KIF2A: variants seen among roughly 807,000 people sequenced by gnomAD.
KIF2A encodes the protein kinesin family member 2A.
In KIF2A, 22 loss-of-function variants were observed where a neutral mutation model predicts 100.2. The observed-to-expected ratio is 0.22, with a 90% CI of 0.16 to 0.31. The LOEUF is 0.31. KIF2A is among the 10% of genes least tolerant of loss of function. The pLI, the probability that KIF2A is intolerant of heterozygous loss-of-function variation, is 1.00. For synonymous variants in KIF2A, 268 were observed against 285.9 expected (o/e 0.94, Z 0.63); for missense variants, 495 against 898.7 (o/e 0.55, Z 5.74).
intron 20 of KIF2A, among the ~76,000 whole-genome samples, chr5:62,383,433 C>T (rs1306466836): frequency 4.0e-5 from 6 of 150,698 alleles, no homozygotes; most frequent in Middle Eastern, 3.5e-3. Flanking sequence ...TTAGTAGAGA[C>T]GGGGTTTCAT....
chr5:62,315,653 G>A (rs557492372), intron 1 of KIF2A, among the ~76,000 whole-genome samples: 4 of 152,136 alleles, frequency 2.6e-5, no homozygotes, highest in Non-Finnish European at 5.9e-5. Flanking sequence ...TAAGGGAGGA[G>A]GGGTAATCTG....
intron 5 of KIF2A, 78 bp downstream of exon 5, chr5:62,352,788 A>G: frequency 8.4e-7 from 1 of 1,186,432 alleles, no homozygotes; most frequent in Non-Finnish European, 1.2e-6. Context: ...TTAAGTCCTC[A>G]AAGAGTAAAC....
Position 62,372,549 on chromosome 5 carries a change from C to T in KIF2A, c.1758C>T (p.Thr586=). The T allele has an allele frequency of 6.6e-7, 1 of 1,523,780 alleles. No individual in the cohort carries two copies. Among genetic ancestry groups the T allele is most frequent in the Non-Finnish European group, 9.1e-7 (1 of 1,098,608 alleles). 94.4% of individuals were successfully genotyped at this position (1,523,780 alleles called of 1,614,324 possible). Residue 586 remains threonine (T), a splice_region_variant and synonymous_variant, in exon 17 of 21, where the codon ACC becomes ACT. Coordinates refer to ENST00000407818, the MANE Select transcript of KIF2A (RefSeq NM_001098511.3). ...YEYDDFSPSV[T]RVKELTVDPT... The stretch of plus-strand genomic sequence containing the variant: ...ATGACGACTTTTCTCCTTCAGTTAC[C>T]AGGTCTACTTCATTCTATACATAAG...
chr5:62,316,638 C>T (rs890823797), intron 1 of KIF2A, among the ~76,000 whole-genome samples: 1 of 152,144 alleles, frequency 6.6e-6, no homozygotes, highest in African/African-American at 2.4e-5. Flanking sequence ...AGAGTCAACC[C>T]TAATGTAAAC....
intron 1 of KIF2A, among the ~76,000 whole-genome samples, chr5:62,322,374 ATT>A (rs770836900): frequency 1.3e-5 from 2 of 152,030 alleles, no homozygotes; most frequent in Non-Finnish European, 2.9e-5. Flanking sequence ...AAAATTTTTA[ATT>A]TTGATTAAGT....
chr5:62,322,912 A>G, intron 1 of KIF2A, among the ~76,000 whole-genome samples: 1 of 128,056 alleles, frequency 7.8e-6, no homozygotes, highest in African/African-American at 2.9e-5. Context: ...AAAATAGATT[A>G]GTGGAATGTG....
At chr5:62,345,636 GAAAAT>G (rs1453313818) in intron 1 of KIF2A, among the ~76,000 whole-genome samples, 1 of 152,002 alleles carries the variant, frequency 6.6e-6, no homozygotes, top group Non-Finnish European at 1.5e-5. Context: ...TGTCTCTGTT[GAAAAT>G]AAAATAAAAG....
intron 1 of KIF2A, among the ~76,000 whole-genome samples, chr5:62,329,088 G>A (rs1161519382): frequency 6.6e-6 from 1 of 151,966 alleles, no homozygotes; most frequent in Non-Finnish European, 1.5e-5. Flanking sequence ...TTGTATTTTC[G>A]TAATGAAAAT....
chr5:62,357,582 A>C, intron 7 of KIF2A, 109 bp from the exon 8 acceptor site: 1 of 514,268 alleles, frequency 1.9e-6, no homozygotes, highest in Non-Finnish European at 3.4e-6. Flanking sequence ...CCTATCATTT[A>C]TGCTATGTAT....
At chr5:62,306,844 T>G in intron 1 of KIF2A, 1 of 348,022 alleles carries the variant, frequency 2.9e-6, no homozygotes, top group South Asian at 3.9e-5. Context: ...TCCCGCAATC[T>G]CCAGCCCCCC....
chr5:62,361,996 C>T (rs1748437341), intron 11 of KIF2A, among the ~76,000 whole-genome samples: 1 of 150,326 alleles, frequency 6.7e-6, no homozygotes, highest in South Asian at 2.1e-4. Flanking sequence ...CATGCCACTA[C>T]ACTTCAGCCT....
At chr5:62,315,968 A>G (rs879610264) in intron 1 of KIF2A, among the ~76,000 whole-genome samples, 4 of 152,196 alleles carry the variant, frequency 2.6e-5, no homozygotes, top group Non-Finnish European at 5.9e-5. Flanking sequence ...TTGAAAGGAA[A>G]GGACTTAACA....
intron 19 of KIF2A, among the ~76,000 whole-genome samples, chr5:62,380,433 GA>G (rs1436957549): frequency 6.6e-6 from 1 of 152,146 alleles, no homozygotes; most frequent in East Asian, 1.9e-4. Context: ...ATAGAGAAAT[GA>G]AATGATGTTG....
intron 1 of KIF2A, among the ~76,000 whole-genome samples, chr5:62,311,383 T>G (rs977046138): frequency 6.6e-6 from 1 of 152,204 alleles, no homozygotes; most frequent in East Asian, 1.9e-4. Context: ...GCTATGTTAC[T>G]ACAAGTTCAC....
rs1039326515 is a variant in KIF2A at position 62,352,628 on chromosome 5, A to G, written c.375A>G (p.Glu125=). 6.2e-7 allele frequency: 1 copy of G among 1,602,644 alleles called. No individual in the cohort carries two copies. The highest frequency in any genetic ancestry group is 8.5e-7 in the Non-Finnish European group (1 of 1,173,884). Residue 125 remains glutamate (E), a synonymous_variant, in exon 5 of 21, where the codon GAA becomes GAG. Coordinates refer to ENST00000407818, the MANE Select transcript of KIF2A (RefSeq NM_001098511.3). The stretch of plus-strand genomic sequence containing the variant: ...GTGCACGGCCCAGTCAATTTCCTGA[A>G]CAGTCTTCCTCTGCACAACAGAATG... ...SARARPSQFP[E]QSSSAQQNGS... is the part of the protein sequence containing the mutation.
chr5:62,334,357 G>A lies in KIF2A; in HGVS notation c.65-12773G>A, dbSNP rs180849527. On this transcript the variant is annotated intron_variant, in intron 1 of 20. Transcript: ENST00000407818. ...CCTGCAGTCCTCCCTAAGCAATCCCGATCTCCAGACTTCCCTGAGCAGTCC... is the reference window on the plus strand; with the variant it reads ...CCTGCAGTCCTCCCTAAGCAATCCCAATCTCCAGACTTCCCTGAGCAGTCC... Among the ~76,000 whole-genome samples the A allele has an allele frequency of 3.3e-5, 5 of 151,982 alleles. No individual in the cohort carries two copies. The East Asian group carries it at 5.8e-4, about 18-fold the overall frequency.
rs554331480 is a variant in KIF2A at position 62,388,921 on chromosome 5, C to T, written c.*3352C>T. ...AAAAATAGTCAAGTAAATAATGTCT[C>T]AGTAAAGCAAAAGCATTATCTTCTC... On this transcript the variant is annotated 3_prime_UTR_variant, in exon 21 of 21. Coordinates refer to ENST00000407818, the MANE Select transcript of KIF2A (RefSeq NM_001098511.3). The T allele has an allele frequency of 2.1e-5, 26 of 1,214,216 alleles. No individual in the cohort carries two copies. The East Asian group carries it at 4.6e-4, about 21-fold the overall frequency. 75.2% of individuals were successfully genotyped at this position (1,214,216 alleles called of 1,614,324 possible).
At position 62,363,286 on chromosome 5, in the gene KIF2A, G is replaced by A. The variant is rs1464122593; in HGVS notation, c.1228G>A (p.Val410Ile). 7.4e-6 allele frequency: 12 copies of A among 1,613,364 alleles called. No individual in the cohort carries two copies. The highest frequency in any genetic ancestry group is 1.0e-5 in the Non-Finnish European group (12 of 1,179,630). ...ACGGGAGGTCAAATGTGTTGAAGAT[G>A]TACTGAAACTCATTGACATAGGCAA... ...QEREVKCVED[V>I]LKLIDIGNSC... Residue 410 changes from valine to isoleucine, a missense_variant, in exon 13 of 21, where the codon GTA (valine) becomes ATA (isoleucine). Transcript: ENST00000407818.
At chr5:62,318,710 C>T (rs551453539) in intron 1 of KIF2A, among the ~76,000 whole-genome samples, 1 of 152,074 alleles carries the variant, frequency 6.6e-6, no homozygotes, top group African/African-American at 2.4e-5. Context: ...TATTGATGTT[C>T]TTCAGGGCTT....
Sources: gnomAD v4.1 joint callset for allele counts (sites outside exome capture counted in the v4.1 genomes callset) on GRCh38, gnomAD v4.1.1 for gene constraint, MANE v1.5 for transcripts, NCBI Gene and HGNC (gene_info 2026-07-23, HGNC 2026-07-21) for gene names.